The following HABP4 variants were observed in gnomAD, a reference collection of about 807,000 sequenced individuals.
The protein encoded by HABP4 is hyaluronan binding protein 4, also known as intracellular hyaluronan-binding protein 4.
A neutral mutation model predicts 44.1 loss-of-function variants in HABP4; 32 were observed. The ratio of observed to expected loss-of-function variants is 0.73; its 90% CI spans 0.55 to 0.97. HABP4 has a LOEUF of 0.97. Ranked by LOEUF, HABP4 falls within the 50% of genes least tolerant of loss-of-function variation. HABP4 has a pLI of 0.00. For synonymous variants in HABP4, 216 were observed against 218.0 expected (o/e 0.99, Z 0.08); for missense variants, 503 against 561.9 (o/e 0.90, Z 1.06).
chr9:96,463,535 G>C (rs773901254), intron 2 of HABP4, among the ~76,000 whole-genome samples: 4 of 152,162 alleles, frequency 2.6e-5, no homozygotes, highest in Non-Finnish European at 5.9e-5. Context: ...GATTACAGGC[G>C]TGAGCCACCG....
intron 2 of HABP4, 125 bp downstream of exon 2, chr9:96,458,666 C>A (rs1832445226): frequency 3.1e-6 from 2 of 649,048 alleles, no homozygotes; most frequent in Non-Finnish European, 5.1e-6. Context: ...TCTTGTCGCC[C>A]AGGCTGGAGT....
chr9:96,483,353 G>A (rs1587688183), intron 5 of HABP4: 1 of 151,310 alleles, frequency 6.6e-6, no homozygotes, highest in African/African-American at 2.4e-5. Context: ...AAGAGGACTT[G>A]TATCTAGAAT....
In HABP4 at chr9:96,471,067, G is replaced by A. The variant is rs964471447; in HGVS notation, c.800G>A (p.Gly267Asp). 3.1e-6 allele frequency: 5 copies of A among 1,600,908 alleles called. No homozygotes were observed. The highest frequency in any genetic ancestry group is 1.7e-5 in the Admixed American group (1 of 59,986). The change falls in exon 5 of 8, where the codon GGC becomes GAC. Residue 267 changes from glycine to aspartate, a missense_variant. Transcript: ENST00000375249. ...EEPTVVEESQGTPEEESPAKV... is the reference protein window; with the variant it reads ...EEPTVVEESQDTPEEESPAKV... The stretch of plus-strand genomic sequence containing the variant: ...CCCACAGTGGTGGAGGAGTCCCAGG[G>A]CACCCCGGAAGAGGAGTCTCCAGCC...
intron 7 of HABP4, among the ~76,000 whole-genome samples, chr9:96,489,727 T>C (rs372418264): frequency 6.6e-6 from 1 of 152,228 alleles, no homozygotes; most frequent in Non-Finnish European, 1.5e-5. Context: ...GACGTGCCCA[T>C]GCAGAACCCC....
intron 5 of HABP4, among the ~76,000 whole-genome samples, chr9:96,482,092 C>T (rs1190608896): frequency 1.3e-5 from 2 of 152,048 alleles, no homozygotes; most frequent in Non-Finnish European, 2.9e-5. Flanking sequence ...CATTCCACTA[C>T]ACCCGGCTAA....
At chr9:96,480,678 A>C (rs978526503) in intron 5 of HABP4, among the ~76,000 whole-genome samples, 3 of 152,234 alleles carry the variant, frequency 2.0e-5, no homozygotes, top group African/African-American at 7.2e-5. Flanking sequence ...ATAGTTCAAC[A>C]TGCATATCAC....
intron 5 of HABP4, chr9:96,483,823 T>C (rs1438922490): frequency 2.0e-5 from 3 of 152,232 alleles, no homozygotes; most frequent in African/African-American, 7.2e-5. Context: ...GTATTTATGG[T>C]GTGAGGTAGG....
chr9:96,482,820 T>G (rs1832902143), intron 5 of HABP4, among the ~76,000 whole-genome samples: 1 of 151,856 alleles, frequency 6.6e-6, no homozygotes, highest in South Asian at 2.1e-4. Flanking sequence ...GTAATGTGTA[T>G]TAATACTTTG....
At chr9:96,458,356 C>G in intron 1 of HABP4, 23 bp from the exon 2 acceptor site, 2 of 1,612,150 alleles carry the variant, frequency 1.2e-6, no homozygotes, top group Non-Finnish European at 1.7e-6. Context: ...TTCCAGCTCT[C>G]TGCTTTGATT....
intron 5 of HABP4, among the ~76,000 whole-genome samples, chr9:96,475,776 T>C (rs1350927405): frequency 6.6e-6 from 1 of 152,204 alleles, no homozygotes. Context: ...CTCCCATCCT[T>C]CCTGAAAAAT....
chr9:96,468,441 A>T (rs1379427995), intron 4 of HABP4, among the ~76,000 whole-genome samples: 2 of 152,108 alleles, frequency 1.3e-5, no homozygotes, highest in Non-Finnish European at 2.9e-5. Context: ...TTGTATATTT[A>T]GTAGAGATGG....
Position 96,450,463 on chromosome 9 carries a change from G to C in HABP4, c.184G>C (p.Ala62Pro). 3 of 1,230,818 alleles carry C rather than the reference G, an allele frequency of 2.4e-6. No individual in the cohort carries two copies. Among genetic ancestry groups the C allele is most frequent in the Non-Finnish European group, 3.1e-6 (3 of 982,088 alleles). The allele number at this position is 1,230,818 out of a possible 1,614,324, so 76.2% of individuals were successfully genotyped here. A position where few individuals can be genotyped will look rare whatever the true frequency, so the allele number is the denominator to read the frequency against. The change falls in exon 1 of 8, where the codon GCG becomes CCG. Residue 62 changes from alanine (A) to proline (P), a missense_variant. Ala to Pro is a conservative substitution (Grantham distance 27). Coordinates refer to ENST00000375249, the MANE Select transcript of HABP4 (RefSeq NM_014282.4). This position sits in a 1 kb window ranked among gnomAD's most constrained non-coding sequence, Gnocchi z 4.8. ...QLQRKRRDEAAAAAGAGPRGG... is the reference protein window; with the variant it reads ...QLQRKRRDEAPAAAGAGPRGG... ...GCAGCGCAAGAGGCGCGACGAGGCG[G>C]CGGCGGCGGCCGGGGCCGGTCCCCG...
At chr9:96,485,143 C>T (rs1832949882) in intron 6 of HABP4, among the ~76,000 whole-genome samples, 1 of 152,068 alleles carries the variant, frequency 6.6e-6, no homozygotes, top group African/African-American at 2.4e-5. Context: ...ACCTCCGCCT[C>T]CCGGGTTCAA....
At chr9:96,475,390 CAAA>C (rs61553823) in intron 5 of HABP4, among the ~76,000 whole-genome samples, 13 of 94,140 alleles carry the variant, frequency 1.4e-4, no homozygotes, top group Admixed American at 2.3e-4. Context: ...ACAACAACAA[CAAA>C]AAAAAAAAAA....
At chr9:96,460,713 A>T (rs1440142362) in intron 2 of HABP4, among the ~76,000 whole-genome samples, 1 of 152,234 alleles carries the variant, frequency 6.6e-6, no homozygotes, top group Non-Finnish European at 1.5e-5. Flanking sequence ...AACATGTCCC[A>T]GATTTTGAGT....
chr9:96,488,457 T>C lies in HABP4; in HGVS notation c.1185+183T>C, dbSNP rs1833015141. ...TCATGGACATCTTGCCTAGAGACCGTTCTGTAGCCCTGGCTTCCAGGGTCT... is the reference window on the plus strand; with the variant it reads ...TCATGGACATCTTGCCTAGAGACCGCTCTGTAGCCCTGGCTTCCAGGGTCT... On this transcript the variant is annotated intron_variant, in intron 7 of 7. Coordinates refer to ENST00000375249, the MANE Select transcript of HABP4 (RefSeq NM_014282.4). This position sits in a 1 kb window ranked among gnomAD's most constrained non-coding sequence, Gnocchi z 4.6. Among the ~76,000 whole-genome samples, 1 of 152,136 alleles carries C rather than the reference T, an allele frequency of 6.6e-6. No homozygotes were observed. The highest frequency in any genetic ancestry group is 2.4e-5 in the African/African-American group (1 of 41,424).
chr9:96,465,650 G>T, intron 3 of HABP4, 60 bp from the exon 4 acceptor site: 1 of 1,268,868 alleles, frequency 7.9e-7, no homozygotes, highest in South Asian at 1.2e-5. Context: ...CACTCTTTCT[G>T]ATTTGGAGAT....
At position 96,456,814 on chromosome 9, in the gene HABP4, T is replaced by A. The variant is rs868710530; in HGVS notation, c.350-1565T>A. Among the ~76,000 whole-genome samples, 682 of 112,014 alleles carry A rather than the reference T, an allele frequency of 6.1e-3. 20 individuals carry two copies. Among genetic ancestry groups the A allele is most frequent in the African/African-American group, 0.024 (646 of 27,420 alleles). 73.5% of individuals were successfully genotyped at this position (112,014 alleles called of 152,430 possible). On this transcript the variant is annotated intron_variant, in intron 1 of 7. Transcript: ENST00000375249. ...ATATATATATATATATATATATATA[T>A]ATATATATCCATTAACTTGAATAAA... is the stretch of plus-strand genomic sequence containing the variant.
intron 2 of HABP4, among the ~76,000 whole-genome samples, chr9:96,458,748 A>G (rs1832447073): frequency 6.7e-6 from 1 of 150,088 alleles, no homozygotes; most frequent in Non-Finnish European, 1.5e-5. Context: ...TCAGCCTCCC[A>G]AGTAGCTGGG....
Sources: allele counts gnomAD v4.1 joint callset (sites outside exome capture counted in the v4.1 genomes callset), GRCh38; gene constraint gnomAD v4.1.1; non-coding constraint Gnocchi (gnomAD v3.1); transcripts MANE v1.5; gene names NCBI Gene and HGNC (gene_info 2026-07-23, HGNC 2026-07-21).